The following DENND1A variants were observed in gnomAD, a reference collection of about 807,000 sequenced individuals.
DENND1A encodes DENN domain containing 1A, also known as DENN domain-containing protein 1A.
Under a neutral mutation model 113.7 loss-of-function variants are expected in DENND1A, and 51 were observed. The ratio of observed to expected loss-of-function variants is 0.45; its 90% CI spans 0.36 to 0.57. The LOEUF is 0.57. DENND1A is among the 20% of genes least tolerant of loss of function. The pLI, the probability that DENND1A is intolerant of heterozygous loss-of-function variation, is 0.00. For synonymous variants in DENND1A, 565 were observed against 570.8 expected, an observed-to-expected ratio of 0.99 and a Z score of 0.14; for missense variants, 1,258 against 1,395.9, an observed-to-expected ratio of 0.90 and a Z score of 1.57.
At chr9:123,416,637 C>A (rs1403453923) in intron 19 of DENND1A, among the ~76,000 whole-genome samples, 1 of 152,190 alleles carries the variant, frequency 6.6e-6, no homozygotes, top group Non-Finnish European at 1.5e-5. Flanking sequence ...GAGTTCAATT[C>A]GACAGTTCCT....
intron 2 of DENND1A, among the ~76,000 whole-genome samples, chr9:123,860,583 C>T (rs1323825621): frequency 2.6e-5 from 4 of 152,178 alleles, no homozygotes; most frequent in Non-Finnish European, 5.9e-5. Context: ...CCACTCTACA[C>T]AAACCTTATT....
intron 2 of DENND1A, among the ~76,000 whole-genome samples, chr9:123,807,948 G>A (rs556423524): frequency 1.3e-5 from 2 of 152,264 alleles, no homozygotes; most frequent in South Asian, 2.1e-4. Context: ...ATTCTTGGCC[G>A]GGCACAGTAG....
At position 123,676,622 on chromosome 9, in the gene DENND1A, G is replaced by A. The variant is rs1045156636; in HGVS notation, c.372+98C>T. 5.5e-6 allele frequency: 6 copies of A among 1,093,442 alleles called. No homozygotes were observed. The South Asian group carries it at 6.0e-5, about 11-fold the overall frequency. 67.7% of individuals were successfully genotyped at this position (1,093,442 alleles called of 1,614,324 possible). ...TTCCCAAAATTCCTATAATGGGCAT[G>A]CATCACTTTTTTGGTAAAATATAAG... On this transcript the variant is annotated intron_variant, in intron 6 of 23. Transcript: ENST00000394215.
chr9:123,914,591 A>G (rs895170202), intron 1 of DENND1A, among the ~76,000 whole-genome samples: 1 of 151,834 alleles, frequency 6.6e-6, no homozygotes, highest in Non-Finnish European at 1.5e-5. Flanking sequence ...GTAATTGATA[A>G]AGAAAAGAGG....
chr9:123,587,599 A>G (rs2059241839), intron 11 of DENND1A, among the ~76,000 whole-genome samples: 1 of 152,138 alleles, frequency 6.6e-6, no homozygotes, highest in African/African-American at 2.4e-5. Flanking sequence ...GCTCTCCACA[A>G]GGGTCGTATT....
At chr9:123,513,796 A>G (rs2053646965) in intron 13 of DENND1A, among the ~76,000 whole-genome samples, 1 of 152,204 alleles carries the variant, frequency 6.6e-6, no homozygotes, top group South Asian at 2.1e-4. Context: ...CAGAAAAATG[A>G]CTGTGCAGAA....
At chr9:123,617,527 T>C (rs2060716162) in intron 10 of DENND1A, among the ~76,000 whole-genome samples, 1 of 152,220 alleles carries the variant, frequency 6.6e-6, no homozygotes, top group Admixed American at 6.5e-5. Flanking sequence ...CCCAAGCCAC[T>C]GGACCCAACA....
chr9:123,911,936 C>T (rs755491672), intron 1 of DENND1A, among the ~76,000 whole-genome samples: 6 of 151,932 alleles, frequency 3.9e-5, no homozygotes, highest in African/African-American at 1.2e-4. Flanking sequence ...CCTCATGATC[C>T]GCCCACCTCG....
intron 13 of DENND1A, among the ~76,000 whole-genome samples, chr9:123,486,567 C>T (rs2050886294): frequency 6.6e-6 from 1 of 152,124 alleles, no homozygotes; most frequent in Admixed American, 6.5e-5. Flanking sequence ...AACCTGTAGC[C>T]ATGGCCAACA....
chr9:123,463,685 G>A (rs372716597), intron 13 of DENND1A, among the ~76,000 whole-genome samples: 34 of 152,116 alleles, frequency 2.2e-4, no homozygotes, highest in African/African-American at 5.8e-4. Context: ...TGAGGTGGGC[G>A]GATCAACTGA....
chr9:123,674,657 C>T (rs2063955551), intron 6 of DENND1A, among the ~76,000 whole-genome samples: 1 of 152,172 alleles, frequency 6.6e-6, no homozygotes, highest in Non-Finnish European at 1.5e-5. Context: ...TTACTGATCT[C>T]AGTCCGACAT....
intron 5 of DENND1A, among the ~76,000 whole-genome samples, chr9:123,685,875 C>T (rs1043249458): frequency 6.6e-5 from 10 of 152,040 alleles, no homozygotes; most frequent in Admixed American, 1.3e-4. Flanking sequence ...TTTCCCCATT[C>T]AGAGTATCTT....
At chr9:123,432,616 C>T (rs967320201) in intron 19 of DENND1A, among the ~76,000 whole-genome samples, 2 of 152,224 alleles carry the variant, frequency 1.3e-5, no homozygotes, top group East Asian at 1.9e-4. Flanking sequence ...ACGGGGGCAA[C>T]GGAAAAGGAG....
chr9:123,609,357 G>C (rs995177019), intron 11 of DENND1A, 79 bp downstream of exon 11: 1 of 1,508,280 alleles, frequency 6.6e-7, no homozygotes, highest in Non-Finnish European at 9.2e-7. Context: ...TGTGACTGCT[G>C]AGACTGGGTC....
intron 5 of DENND1A, among the ~76,000 whole-genome samples, chr9:123,746,531 A>G (rs765436197): frequency 6.6e-6 from 1 of 152,190 alleles, no homozygotes; most frequent in East Asian, 1.9e-4. Context: ...TGCAGAATAT[A>G]TACCAGTTGA....
chr9:123,526,352 C>CT lies in DENND1A; in HGVS notation c.993+31217dup, dbSNP rs2054842740. 3.9e-5 allele frequency among the ~76,000 whole-genome samples: 6 copies of CT among 152,208 alleles called. No homozygotes were observed. The South Asian group carries it at 1.2e-3, about 31-fold the overall frequency. On this transcript the variant is annotated intron_variant, in intron 13 of 23. Transcript: ENST00000394215. ...CCACTCACCTGGCTTCGCCATACCC[C>CT]TTCCATCCCAGGGCCCTGGTCCTAC...
At chr9:123,613,777 G>A (rs1457681547) in intron 10 of DENND1A, among the ~76,000 whole-genome samples, 1 of 152,204 alleles carries the variant, frequency 6.6e-6, no homozygotes, top group African/African-American at 2.4e-5. Context: ...TGTCACAACT[G>A]CTGTATGACT....
At chr9:123,583,369 G>C in intron 11 of DENND1A, 99 bp from the exon 12 acceptor site, 1 of 835,382 alleles carries the variant, frequency 1.2e-6, no homozygotes, top group Non-Finnish European at 1.9e-6. Flanking sequence ...GAAGGAAAGT[G>C]ACATTTGACA....
intron 2 of DENND1A, among the ~76,000 whole-genome samples, chr9:123,858,588 G>A (rs1210136028): frequency 6.6e-6 from 1 of 152,100 alleles, no homozygotes; most frequent in Non-Finnish European, 1.5e-5. Flanking sequence ...CTGGCAGTGG[G>A]GGTAAAAGGT....
Sources: gnomAD v4.1 joint callset for allele counts (sites outside exome capture counted in the v4.1 genomes callset) on GRCh38, gnomAD v4.1.1 for gene constraint, MANE v1.5 for transcripts, NCBI Gene and HGNC (gene_info 2026-07-23, HGNC 2026-07-21) for gene names.